The following VRK1 variants were observed in gnomAD, a reference collection of about 807,000 sequenced individuals.
VRK1 encodes the protein serine/threonine-protein kinase VRK1.
VRK1 carries 33 observed loss-of-function variants against 57.1 expected under a neutral mutation model. That is an observed-to-expected ratio of 0.58 (90% confidence interval 0.44 to 0.77). VRK1 has a LOEUF of 0.77. VRK1 is among the 30% of genes least tolerant of loss of function. VRK1 has a pLI of 0.00. For synonymous variants in VRK1, 137 were observed against 147.8 expected, an observed-to-expected ratio of 0.93 and a Z score of 0.53; for missense variants, 413 against 477.3, an observed-to-expected ratio of 0.87 and a Z score of 1.25.
chr14:96,875,370 G>A (rs1432306193), intron 11 of VRK1, among the ~76,000 whole-genome samples: 4 of 152,202 alleles, frequency 2.6e-5, no homozygotes, highest in African/African-American at 7.2e-5. Flanking sequence ...CCAAGAGAAT[G>A]TAGGAAATCC....
chr14:96,846,737 A>G (rs575636861), intron 4 of VRK1, among the ~76,000 whole-genome samples: 1 of 151,868 alleles, frequency 6.6e-6, no homozygotes, highest in Non-Finnish European at 1.5e-5. Flanking sequence ...GCTACAATAA[A>G]AAATAACAAT....
intron 5 of VRK1, among the ~76,000 whole-genome samples, chr14:96,849,037 G>C (rs1372467722): frequency 6.6e-6 from 1 of 152,172 alleles, no homozygotes; most frequent in Non-Finnish European, 1.5e-5. Flanking sequence ...GTGTGTAAGA[G>C]AGAAGGAAAT....
chr14:96,837,783 C>A lies in VRK1; in HGVS notation c.182C>A (p.Ser61Ter). Residue 61 changes from serine to a stop codon, truncating the protein, a stop_gained, in exon 3 of 13, where the codon TCA becomes TAA. Transcript: ENST00000216639. LOFTEE classifies it high-confidence loss of function. ...ACAGCTGATATGAATTCTTCAGAGTCAGTTGGCAGTGATGCACCTTGTGTT... is the reference window on the plus strand; with the variant it reads ...ACAGCTGATATGAATTCTTCAGAGTAAGTTGGCAGTGATGCACCTTGTGTT... ...IYLADMNSSE[S>*]VGSDAPCVVK... is the part of the protein sequence containing the mutation. 1.3e-6 allele frequency: 2 copies of A among 1,566,350 alleles called. No homozygotes were observed. Among genetic ancestry groups the A allele is most frequent in the South Asian group, 1.2e-5 (1 of 80,390 alleles).
intron 12 of VRK1, among the ~76,000 whole-genome samples, chr14:96,879,883 G>A (rs1029654399): frequency 2.6e-5 from 4 of 151,218 alleles, no homozygotes; most frequent in African/African-American, 4.9e-5. Flanking sequence ...AGCCAAGATC[G>A]TGTCACTGCA....
intron 1 of VRK1, among the ~76,000 whole-genome samples, chr14:96,833,048 G>C (rs1053830353): frequency 2.0e-5 from 3 of 152,128 alleles, no homozygotes; most frequent in African/African-American, 7.2e-5. Context: ...GTTGCCTTAT[G>C]TTTTCAATCT....
At chr14:96,877,856 G>T (rs1220513741) in intron 12 of VRK1, among the ~76,000 whole-genome samples, 1 of 152,008 alleles carries the variant, frequency 6.6e-6, no homozygotes, top group African/African-American at 2.4e-5. Context: ...GTATAATTAT[G>T]AATTTTTTTT....
chr14:96,870,976 A>C (rs1256537321), intron 11 of VRK1, among the ~76,000 whole-genome samples: 1 of 152,176 alleles, frequency 6.6e-6, no homozygotes, highest in Non-Finnish European at 1.5e-5. Flanking sequence ...GCTGAAAAAA[A>C]TGTGTTGCGC....
rs570022233 is a variant in VRK1, at chr14:96,810,170, G to A, written c.-6+12723G>A. 5.3e-5 allele frequency among the ~76,000 whole-genome samples: 8 copies of A among 152,052 alleles called. No homozygotes were observed. The South Asian group carries it at 1.7e-3, about 32-fold the overall frequency. On this transcript the variant is annotated intron_variant, in intron 1 of 12. Coordinates refer to ENST00000216639, the MANE Select transcript of VRK1 (RefSeq NM_003384.3). ...GTCTTTTGTCCATTTTCAACAGATTGGATTGTCTTTTTTCTTATTGAAATG... is the reference window on the plus strand; with the variant it reads ...GTCTTTTGTCCATTTTCAACAGATTAGATTGTCTTTTTTCTTATTGAAATG...
Position 96,852,823 on chromosome 14 carries a change from G to A in VRK1, c.375-8G>A. 4 of 1,609,990 alleles carry A rather than the reference G, an allele frequency of 2.5e-6. No homozygotes were observed. The highest frequency in any genetic ancestry group is 3.4e-6 in the Non-Finnish European group (4 of 1,176,532). ...TTTTGTTCATTGGCTTTTCATATTTGTCTTCAGTTACAGGTTTATGATAAT... is the reference window on the plus strand; with the variant it reads ...TTTTGTTCATTGGCTTTTCATATTTATCTTCAGTTACAGGTTTATGATAAT... On this transcript the variant is annotated splice_polypyrimidine_tract_variant and splice_region_variant and intron_variant, in intron 5 of 12. Transcript: ENST00000216639.
intron 5 of VRK1, among the ~76,000 whole-genome samples, chr14:96,851,995 C>T (rs1887968787): frequency 6.6e-6 from 1 of 152,224 alleles, no homozygotes; most frequent in African/African-American, 2.4e-5. Flanking sequence ...TGAATGATTT[C>T]ACCAGACAAG....
chr14:96,839,690 T>C (rs1473766748), intron 3 of VRK1, among the ~76,000 whole-genome samples: 1 of 152,236 alleles, frequency 6.6e-6, no homozygotes, highest in African/African-American at 2.4e-5. Context: ...TTTCCTCTTA[T>C]TTTTATCTTT....
rs1406307753 is a variant in VRK1 at position 96,826,162 on chromosome 14, CTTTAT to C, written c.-5-7300_-5-7296del. On this transcript the variant is annotated intron_variant, in intron 1 of 12. Coordinates refer to ENST00000216639, the MANE Select transcript of VRK1 (RefSeq NM_003384.3). Reference sequence around the variant, plus strand: ...AATTTTTAAAAATCTATTCACAAAACTTTATTTTAATATTCATAGCAGAACTTTTT... The same window carrying C: ...AATTTTTAAAAATCTATTCACAAAACTTTAATATTCATAGCAGAACTTTTT... Among the ~76,000 whole-genome samples, 6 of 152,076 alleles carry C rather than the reference CTTTAT, an allele frequency of 3.9e-5. No individual in the cohort carries two copies. The East Asian group carries it at 5.8e-4, about 15-fold the overall frequency.
intron 5 of VRK1, among the ~76,000 whole-genome samples, chr14:96,852,259 C>T (rs1363743260): frequency 6.6e-6 from 1 of 152,148 alleles, no homozygotes; most frequent in Non-Finnish European, 1.5e-5. Context: ...AGCCAGTTAT[C>T]TTCATGTTTT....
chr14:96,831,473 G>GAAA (rs1278065828), intron 1 of VRK1, among the ~76,000 whole-genome samples: 2 of 152,120 alleles, frequency 1.3e-5, no homozygotes, highest in South Asian at 4.1e-4. Context: ...CTATTTTTAG[G>GAAA]AAAGAAAGTC....
In VRK1 at chr14:96,862,803, C is replaced by A. The variant is rs1315010063; in HGVS notation, c.1068+2068C>A. On this transcript the variant is annotated intron_variant, in intron 11 of 12. Transcript: ENST00000216639. ...TAAATATGATGCTTAGTTCTAGAAACTGTTAATTTTAATAATTAGTACATT... is the reference window on the plus strand; with the variant it reads ...TAAATATGATGCTTAGTTCTAGAAAATGTTAATTTTAATAATTAGTACATT... Among the ~76,000 whole-genome samples the A allele has an allele frequency of 2.0e-5, 3 of 152,170 alleles. No homozygotes were observed. The East Asian group carries it at 5.8e-4, about 29-fold the overall frequency.
intron 11 of VRK1, among the ~76,000 whole-genome samples, chr14:96,870,763 C>G (rs927197678): frequency 6.6e-6 from 1 of 152,104 alleles, no homozygotes; most frequent in Non-Finnish European, 1.5e-5. Flanking sequence ...ATGTAGTACT[C>G]TTGTAGATCA....
At position 96,851,140 on chromosome 14, in the gene VRK1, A is replaced by AT. The variant is rs771195713; in HGVS notation, c.375-1676dup. 9.2e-3 allele frequency among the ~76,000 whole-genome samples: 1,347 copies of AT among 145,638 alleles called. 19 individuals carry two copies. The highest frequency in any genetic ancestry group is 0.029 in the African/African-American group (1,162 of 39,878). ...CATGAATGAATATATTTTGTCACAA[A>AT]TTTTTTTTTTTTTTTAATTGAGGTG... is the stretch of plus-strand genomic sequence containing the variant. On this transcript the variant is annotated intron_variant, in intron 5 of 12. Coordinates refer to ENST00000216639, the MANE Select transcript of VRK1 (RefSeq NM_003384.3).
Position 96,857,326 on chromosome 14 carries a change from G to T in VRK1, c.889+740G>T, listed in dbSNP as rs1824361605. Among the ~76,000 whole-genome samples the T allele has an allele frequency of 1.3e-5, 2 of 152,060 alleles. 1 individual carries two copies. Among genetic ancestry groups the T allele is most frequent in the African/African-American group, 4.8e-5 (2 of 41,400 alleles). The stretch of plus-strand genomic sequence containing the variant: ...CTGTAATTTTAAGTAGGCTGTCCAG[G>T]GACAGCCTCACTTGGAAGGTGACAT... On this transcript the variant is annotated intron_variant, in intron 10 of 12. Coordinates refer to ENST00000216639, the MANE Select transcript of VRK1 (RefSeq NM_003384.3).
intron 1 of VRK1, among the ~76,000 whole-genome samples, chr14:96,832,454 A>T (rs1458985455): frequency 1.3e-5 from 2 of 152,188 alleles, no homozygotes; most frequent in African/African-American, 4.8e-5. Flanking sequence ...AAATCACACA[A>T]CAAACACATG....
Sources: gnomAD v4.1 joint callset for allele counts (sites outside exome capture counted in the v4.1 genomes callset) on GRCh38, gnomAD v4.1.1 for gene constraint, MANE v1.5 for transcripts, NCBI Gene and HGNC (gene_info 2026-07-23, HGNC 2026-07-21) for gene names.